Variants in PALM2AKAP2 observed in about 807,000 individuals in gnomAD.
The protein encoded by PALM2AKAP2 is PALM2-AKAP2 fusion protein.
Under a neutral mutation model 71.5 loss-of-function variants are expected in PALM2AKAP2, and 37 were observed. The ratio of observed to expected loss-of-function variants is 0.52; its 90% CI spans 0.40 to 0.68. The LOEUF (loss-of-function observed/expected upper bound fraction) is 0.68, where lower values mean the gene tolerates loss of function less well. Ranked by LOEUF, PALM2AKAP2 falls within the 30% of genes least tolerant of loss-of-function variation. PALM2AKAP2 has a pLI of 0.00. For synonymous variants in PALM2AKAP2, 468 were observed against 478.8 expected (o/e 0.98, Z 0.29); for missense variants, 1,224 against 1,191.8 (o/e 1.03, Z -0.40).
At chr9:110,021,792 C>T (rs754764668) in intron 7 of PALM2AKAP2, among the ~76,000 whole-genome samples, 17 of 151,462 alleles carry the variant, frequency 1.1e-4, no homozygotes, top group Non-Finnish European at 2.1e-4. Context: ...ATGCCTGACC[C>T]TGAGAATCAC....
exon 2 of PALM2AKAP2, chr9:110,138,357 G>A (rs1342668094): frequency 6.2e-7 from 1 of 1,614,198 alleles, no homozygotes; most frequent in Admixed American, 1.7e-5. Flanking sequence ...GTGATGGTTG[G>A]GCCTTTCAAG....
Position 109,691,660 on chromosome 9 carries a change from T to C in PALM2AKAP2, c.5+50794T>C, listed in dbSNP as rs185827025. Among the ~76,000 whole-genome samples, 207 of 150,980 alleles carry C rather than the reference T, an allele frequency of 1.4e-3. 1 individual carries two copies. The highest frequency in any genetic ancestry group is 4.8e-3 in the African/African-American group (197 of 41,140). On this transcript the variant is annotated intron_variant, in intron 1 of 6. Transcript: ENST00000374531. Reference sequence around the variant, plus strand: ...GGAACCAAAAAGACTAAATTTAGTTTCCCCCAACCCCTCCTTCTCACAAGA... The same window carrying C: ...GGAACCAAAAAGACTAAATTTAGTTCCCCCCAACCCCTCCTTCTCACAAGA...
At chr9:109,701,587 A>G (rs1828058678) in intron 1 of PALM2AKAP2, among the ~76,000 whole-genome samples, 1 of 152,228 alleles carries the variant, frequency 6.6e-6, no homozygotes, top group African/African-American at 2.4e-5. Context: ...TTATACAAAA[A>G]TTAATTCAAG....
At chr9:109,692,238 A>G (rs1029433494) in intron 1 of PALM2AKAP2, among the ~76,000 whole-genome samples, 1 of 151,834 alleles carries the variant, frequency 6.6e-6, no homozygotes, top group African/African-American at 2.4e-5. Context: ...AATTATTTAC[A>G]TATAGTATCA....
intron 6 of PALM2AKAP2, among the ~76,000 whole-genome samples, chr9:109,972,442 G>A (rs1278736050): frequency 6.6e-6 from 1 of 152,220 alleles, no homozygotes; most frequent in African/African-American, 2.4e-5. Context: ...GAAGCAGAAG[G>A]GAATATGGTT....
intron 2 of PALM2AKAP2, among the ~76,000 whole-genome samples, chr9:110,141,867 A>G (rs1041532210): frequency 6.6e-6 from 1 of 152,200 alleles, no homozygotes; most frequent in Non-Finnish European, 1.5e-5. Context: ...GTAAGGAAGG[A>G]GAAATCTTCT....
At chr9:109,723,627 A>G (rs989326122) in intron 1 of PALM2AKAP2, among the ~76,000 whole-genome samples, 1 of 152,230 alleles carries the variant, frequency 6.6e-6, no homozygotes, top group African/African-American at 2.4e-5. Context: ...TATATGTATC[A>G]CTTTTCAAGT....
intron 3 of PALM2AKAP2, among the ~76,000 whole-genome samples, chr9:109,907,065 T>C (rs1207344087): frequency 2.6e-5 from 4 of 152,180 alleles, no homozygotes; most frequent in Non-Finnish European, 5.9e-5. Flanking sequence ...TCTGAACACC[T>C]CTATGCCTTG....
chr9:109,963,265 G>A (rs541086370), intron 6 of PALM2AKAP2, among the ~76,000 whole-genome samples: 3 of 152,206 alleles, frequency 2.0e-5, no homozygotes, highest in African/African-American at 4.8e-5. Context: ...GGTGAAAGAA[G>A]TGGCTGTATG....
At chr9:110,150,055 A>T (rs1314046855) in intron 2 of PALM2AKAP2, among the ~76,000 whole-genome samples, 1 of 152,136 alleles carries the variant, frequency 6.6e-6, no homozygotes, top group African/African-American at 2.4e-5. Context: ...TTGGGATATA[A>T]TTAGGTTTAC....
At chr9:109,754,179 T>C (rs1564135356) in intron 1 of PALM2AKAP2, among the ~76,000 whole-genome samples, 1 of 152,112 alleles carries the variant, frequency 6.6e-6, no homozygotes. Context: ...CCCTCTAAGG[T>C]ATCCAAGGTA....
At chr9:110,097,613 A>C (rs1469155817) in intron 1 of PALM2AKAP2, among the ~76,000 whole-genome samples, 8 of 140,282 alleles carry the variant, frequency 5.7e-5, no homozygotes, top group South Asian at 2.3e-4. Context: ...GGCGGCCGGG[A>C]AGAGGCGCTC....
chr9:109,876,480 C>T (rs987438418), intron 2 of PALM2AKAP2, among the ~76,000 whole-genome samples: 12 of 152,006 alleles, frequency 7.9e-5, no homozygotes, highest in Admixed American at 6.6e-5. Flanking sequence ...AGTTTTTTTT[C>T]TTTCTTTCTT....
intron 1 of PALM2AKAP2, among the ~76,000 whole-genome samples, chr9:109,838,059 A>G (rs1828532139): frequency 1.9e-5 from 1 of 52,584 alleles, no homozygotes; most frequent in African/African-American, 1.1e-4. Flanking sequence ...CTCCACCCCA[A>G]ATCAACAGAA....
At chr9:109,849,792 G>T (rs1048814701) in intron 1 of PALM2AKAP2, among the ~76,000 whole-genome samples, 2 of 151,794 alleles carry the variant, frequency 1.3e-5, no homozygotes, top group African/African-American at 4.8e-5. Context: ...ACAAATAAAC[G>T]GAAAGAGAGA....
intron 1 of PALM2AKAP2, among the ~76,000 whole-genome samples, chr9:109,764,014 G>T (rs1038898643): frequency 6.6e-6 from 1 of 152,086 alleles, no homozygotes; most frequent in Non-Finnish European, 1.5e-5. Flanking sequence ...AAGTACAAGG[G>T]GTAGGACTTG....
intron 1 of PALM2AKAP2, among the ~76,000 whole-genome samples, chr9:109,651,944 A>T (rs923001780): frequency 2.0e-5 from 3 of 152,286 alleles, no homozygotes; most frequent in African/African-American, 7.2e-5. Flanking sequence ...TGTTTTTGTA[A>T]ATAGGTCTTT....
At chr9:109,711,916 T>C (rs1430370769) in intron 1 of PALM2AKAP2, among the ~76,000 whole-genome samples, 8 of 152,164 alleles carry the variant, frequency 5.3e-5, no homozygotes, top group Non-Finnish European at 8.8e-5. Flanking sequence ...TATATATACT[T>C]ATTAATGAAG....
In PALM2AKAP2 at chr9:109,881,876, C is replaced by CTTTTTTTT. The variant is rs565835467; in HGVS notation, c.257+1215_257+1222dup. ...TCTCTGTCTTCTGAGCTTATGAGCT[C>CTTTTTTTT]TTTTTTTTTTTTTTTTTTTTTTTTT... On this transcript the variant is annotated intron_variant, in intron 3 of 9. Coordinates refer to the PALM2AKAP2 transcript ENST00000302798. Among the ~76,000 whole-genome samples the CTTTTTTTT allele has an allele frequency of 4.7e-3, 448 of 95,094 alleles. 49 individuals are homozygous for CTTTTTTTT. Among genetic ancestry groups the CTTTTTTTT allele is most frequent in the East Asian group, 8.7e-3 (24 of 2,764 alleles). The allele number at this position is 95,094 out of a possible 152,430, so 62.4% of individuals were successfully genotyped here. A position where few individuals can be genotyped will look rare whatever the true frequency, so the allele number is the denominator to read the frequency against.
Sources: gnomAD v4.1 joint callset for allele counts (sites outside exome capture counted in the v4.1 genomes callset) on GRCh38, gnomAD v4.1.1 for gene constraint, MANE v1.5 for transcripts, NCBI Gene and HGNC (gene_info 2026-07-23, HGNC 2026-07-21) for gene names.